Variants in KCNK6 observed in about 807,000 individuals in gnomAD.
KCNK6 encodes the protein potassium channel subfamily K member 6.
KCNK6 carries 20 observed loss-of-function variants against 21.9 expected under a neutral mutation model. The observed-to-expected ratio is 0.91, with a 90% CI of 0.64 to 1.32. KCNK6 has a LOEUF of 1.32. KCNK6 is among the 40% of genes most tolerant of loss of function. The pLI is 0.00. For missense variants in KCNK6, 415 were observed against 433.1 expected, an observed-to-expected ratio of 0.96 and a Z score of 0.37; for synonymous variants, 210 against 218.0, an observed-to-expected ratio of 0.96 and a Z score of 0.32.
Position 38,319,989 on chromosome 19 carries a change from G to C in KCNK6, c.39G>C (p.Ala13=), listed in dbSNP as rs1969628035. ...CGCTTCTGGCGGGCGCCTTGGCCGC[G>C]TACGCCGCGTACCTGGTGCTGGGCG... ...RGALLAGALA[A]YAAYLVLGAL... is the part of the protein sequence containing the mutation. Residue 13 remains alanine, a synonymous_variant, in exon 1 of 3, where the codon GCG becomes GCC. Coordinates refer to ENST00000263372, the MANE Select transcript of KCNK6 (RefSeq NM_004823.3). The C allele has an allele frequency of 1.4e-6, 2 of 1,475,550 alleles. No individual in the cohort carries two copies. The allele number at this position is 1,475,550 out of a possible 1,614,324, so 91.4% of individuals were successfully genotyped here. A position where few individuals can be genotyped will look rare whatever the true frequency, so the allele number is the denominator to read the frequency against.
intron 1 of KCNK6, chr19:38,325,102 C>T (rs950632889): frequency 6.7e-6 from 1 of 150,132 alleles, no homozygotes; most frequent in Non-Finnish European, 1.5e-5. Context: ...AATCACTCTC[C>T]ACCATCCATC....
Position 38,327,499 on chromosome 19 carries a change from C to A in KCNK6, c.*96C>A. The A allele has an allele frequency of 8.6e-7, 1 of 1,157,788 alleles. No individual in the cohort carries two copies. Among genetic ancestry groups the A allele is most frequent in the Non-Finnish European group, 1.2e-6 (1 of 819,506 alleles). The allele number at this position is 1,157,788 out of a possible 1,614,324, so 71.7% of individuals were successfully genotyped here. On this transcript the variant is annotated 3_prime_UTR_variant, in exon 3 of 3. Transcript: ENST00000263372. Reference sequence around the variant, plus strand: ...TGTACAGGAATGTCCACGAGCACAGCAGGTGATCTTGAGGCCTTGCCGTCC... The same window carrying A: ...TGTACAGGAATGTCCACGAGCACAGAAGGTGATCTTGAGGCCTTGCCGTCC...
rs764432629 is a variant in KCNK6 at position 38,320,214 on chromosome 19, C to G, written c.264C>G (p.Asp88Glu). ...ANASGSANAS[D>E]PAWDFASALF... ...CTTCGGGGTCCGCCAACGCCTCGGA[C>G]CCCGCCTGGGACTTCGCCTCTGCTC... Residue 88 changes from aspartate (D) to glutamate (E), a missense_variant, in exon 1 of 3, where the codon GAC becomes GAG. Coordinates refer to ENST00000263372, the MANE Select transcript of KCNK6 (RefSeq NM_004823.3). The G allele has an allele frequency of 3.7e-6, 6 of 1,603,794 alleles. No individual in the cohort carries two copies. In the Admixed American group the frequency reaches 1.0e-4, roughly 27 times the overall value.
intron 1 of KCNK6, 122 bp downstream of exon 1, chr19:38,320,394 C>A: frequency 2.9e-6 from 3 of 1,044,254 alleles, no homozygotes; most frequent in East Asian, 5.5e-5. Context: ...CTTCGGATCC[C>A]CCGAAAAGAC....
Position 38,326,888 on chromosome 19 carries a change from C to T in KCNK6, c.618C>T (p.Tyr206=), listed in dbSNP as rs1969715870. 1.2e-6 allele frequency: 2 copies of T among 1,611,948 alleles called. No individual in the cohort carries two copies. Among genetic ancestry groups the T allele is most frequent in the South Asian group, 1.1e-5 (1 of 91,096 alleles). Residue 206 remains tyrosine (Y), a synonymous_variant, in exon 2 of 3, where the codon TAC becomes TAT. Transcript: ENST00000263372. The part of the protein sequence containing the change: ...EEAWSFLDAF[Y]FCFISLSTIG... The stretch of plus-strand genomic sequence containing the variant: ...CCTGGAGCTTCTTGGATGCCTTCTA[C>T]TTCTGCTTTATCTCTCTGTCCACCA...
intron 1 of KCNK6, among the ~76,000 whole-genome samples, chr19:38,326,133 C>T (rs757502414): frequency 2.6e-5 from 4 of 152,136 alleles, no homozygotes; most frequent in Admixed American, 6.5e-5. Context: ...GCCTGAGCGT[C>T]GAAGGACAGA....
chr19:38,324,199 G>C (rs2145040519), intron 1 of KCNK6, among the ~76,000 whole-genome samples: 1 of 152,010 alleles, frequency 6.6e-6, no homozygotes, highest in East Asian at 1.9e-4. Flanking sequence ...CAAAGTGCTG[G>C]GATTATAGGA....
At chr19:38,322,802 G>A (rs1600422058) in intron 1 of KCNK6, among the ~76,000 whole-genome samples, 1 of 149,932 alleles carries the variant, frequency 6.7e-6, no homozygotes, top group South Asian at 2.1e-4. Context: ...GCAACAGAGT[G>A]AGACTCCATC....
Position 38,320,190 on chromosome 19 carries a change from T to C in KCNK6, c.240T>C (p.Ala80=). The change falls in exon 1 of 3, where the codon GCT becomes GCC. Residue 80 remains alanine, a synonymous_variant. Coordinates refer to ENST00000263372, the MANE Select transcript of KCNK6 (RefSeq NM_004823.3). Reference sequence around the variant, plus strand: ...TGGGGCGGGTCGTGCTTGCTAACGCTTCGGGGTCCGCCAACGCCTCGGACC... The same window carrying C: ...TGGGGCGGGTCGTGCTTGCTAACGCCTCGGGGTCCGCCAACGCCTCGGACC... ...GRLGRVVLAN[A]SGSANASDPA... 1 of 1,601,484 alleles carries C rather than the reference T, an allele frequency of 6.2e-7. No individual in the cohort carries two copies. The highest frequency in any genetic ancestry group is 8.5e-7 in the Non-Finnish European group (1 of 1,179,530).
intron 1 of KCNK6, chr19:38,325,612 C>A: frequency 2.2e-6 from 2 of 897,088 alleles, no homozygotes; most frequent in Non-Finnish European, 2.7e-6. Flanking sequence ...GTGTTAAGTG[C>A]TATGGGAAAA....
Position 38,320,076 on chromosome 19 carries a change from G to A in KCNK6, c.126G>A (p.Thr42=), listed in dbSNP as rs1227818635. 8.5e-5 allele frequency: 130 copies of A among 1,529,326 alleles called. No homozygotes were observed. Among genetic ancestry groups the A allele is most frequent in the Non-Finnish European group, 1.1e-4 (129 of 1,145,034 alleles). The allele number at this position is 1,529,326 out of a possible 1,614,324, so 94.7% of individuals were successfully genotyped here. ...HEARLRAELE[T]LRAQLLQRSP... The stretch of plus-strand genomic sequence containing the variant: ...CCAGGCTCCGAGCCGAGCTGGAGAC[G>A]CTGCGGGCGCAGCTGCTTCAGCGCA... The change falls in exon 1 of 3, where the codon ACG becomes ACA. Residue 42 remains threonine (T), a synonymous_variant. Coordinates refer to ENST00000263372, the MANE Select transcript of KCNK6 (RefSeq NM_004823.3).
chr19:38,326,893 G>A lies in KCNK6; in HGVS notation c.623G>A (p.Cys208Tyr). The A allele has an allele frequency of 6.2e-7, 1 of 1,611,872 alleles. No individual in the cohort carries two copies. The highest frequency in any genetic ancestry group is 8.5e-7 in the Non-Finnish European group (1 of 1,180,034). The change falls in exon 2 of 3, where the codon TGC becomes TAC. Residue 208 changes from cysteine to tyrosine, a missense_variant. Coordinates refer to ENST00000263372, the MANE Select transcript of KCNK6 (RefSeq NM_004823.3). ...AWSFLDAFYF[C>Y]FISLSTIGLG... ...AGCTTCTTGGATGCCTTCTACTTCTGCTTTATCTCTCTGTCCACCATCGGC... is the reference window on the plus strand; with the variant it reads ...AGCTTCTTGGATGCCTTCTACTTCTACTTTATCTCTCTGTCCACCATCGGC...
intron 1 of KCNK6, among the ~76,000 whole-genome samples, chr19:38,322,583 G>A (rs187657386): frequency 4.0e-4 from 61 of 152,356 alleles, no homozygotes; most frequent in Non-Finnish European, 1.5e-4. Context: ...TTGGAGGGCC[G>A]AGGTGGGCAG....
At chr19:38,325,060 C>A (rs536937725) in intron 1 of KCNK6, 1 of 151,786 alleles carries the variant, frequency 6.6e-6, no homozygotes, top group African/African-American at 2.4e-5. Context: ...GCTGGCCATG[C>A]CATGTGGGAG....
chr19:38,323,134 G>C (rs778926339), intron 1 of KCNK6, among the ~76,000 whole-genome samples: 2 of 152,090 alleles, frequency 1.3e-5, no homozygotes, highest in Admixed American at 6.6e-5. Flanking sequence ...ACAAAAAAGA[G>C]TGGTGGATGA....
intron 1 of KCNK6, among the ~76,000 whole-genome samples, chr19:38,322,505 G>A (rs932218735): frequency 6.6e-6 from 1 of 152,166 alleles, no homozygotes; most frequent in Non-Finnish European, 1.5e-5. Context: ...GACAGGCCAA[G>A]GACTTAGATA....
chr19:38,320,388 G>C, intron 1 of KCNK6, 116 bp downstream of exon 1: 1 of 1,141,038 alleles, frequency 8.8e-7, no homozygotes, highest in East Asian at 2.7e-5. Context: ...TCTGGGCTTC[G>C]GATCCCCCGA....
chr19:38,326,843 C>A lies in KCNK6; in HGVS notation c.573C>A (p.Ile191=), dbSNP rs753157138. 6.2e-7 allele frequency: 1 copy of A among 1,610,994 alleles called. No homozygotes were observed. Among genetic ancestry groups the A allele is most frequent in the Non-Finnish European group, 8.5e-7 (1 of 1,180,010 alleles). Residue 191 remains isoleucine, a synonymous_variant, in exon 2 of 3, where the codon ATC becomes ATA. Transcript: ENST00000263372. ...VTVCFLVPAV[I]FAHLEEAWSF... is the part of the protein sequence containing the mutation. Reference sequence around the variant, plus strand: ...TCTGCTTTCTGGTGCCGGCTGTGATCTTTGCCCACCTCGAGGAGGCCTGGA... The same window carrying A: ...TCTGCTTTCTGGTGCCGGCTGTGATATTTGCCCACCTCGAGGAGGCCTGGA...
In KCNK6 at chr19:38,331,800, C is replaced by T. The variant is rs1969770476; in HGVS notation, c.*4397C>T. On this transcript the variant is annotated 3_prime_UTR_variant, in exon 3 of 3. Coordinates refer to ENST00000263372, the MANE Select transcript of KCNK6 (RefSeq NM_004823.3). ...ATGCATGTGTGTGTCATTTATTTTT[C>T]ACTCTACACAAGTAGTACCTAATAT... is the stretch of plus-strand genomic sequence containing the variant. The T allele has an allele frequency of 6.6e-6, 1 of 152,144 alleles. No individual in the cohort carries two copies. The highest frequency in any genetic ancestry group is 6.5e-5 in the Admixed American group (1 of 15,276). The allele number at this position is 152,144 out of a possible 1,614,324, so 9.4% of individuals were successfully genotyped here. A position where few individuals can be genotyped will look rare whatever the true frequency, so the allele number is the denominator to read the frequency against.
Sources: allele counts gnomAD v4.1 joint callset (sites outside exome capture counted in the v4.1 genomes callset), GRCh38; gene constraint gnomAD v4.1.1; transcripts MANE v1.5; gene names NCBI Gene and HGNC (gene_info 2026-07-23, HGNC 2026-07-21).